The following IQSEC1 variants were observed in gnomAD, a reference collection of about 807,000 sequenced individuals.
IQSEC1 encodes IQ motif and Sec7 domain ArfGEF 1.
Under a neutral mutation model 91.0 loss-of-function variants are expected in IQSEC1, and 31 were observed. The observed-to-expected ratio is 0.34, with a 90% confidence interval of 0.26 to 0.46. The LOEUF (loss-of-function observed/expected upper bound fraction) is 0.46. IQSEC1 is among the 20% of genes least tolerant of loss of function. The pLI is 1.00. For missense variants in IQSEC1, 1,388 were observed against 1,575.6 expected (o/e 0.88, Z 2.02); for synonymous variants, 699 against 662.6 (o/e 1.05, Z -0.84).
chr3:13,077,324 A>G (rs1231154743), upstream of IQSEC1, among the ~76,000 whole-genome samples: 1 of 152,072 alleles, frequency 6.6e-6, no homozygotes, highest in Non-Finnish European at 1.5e-5. Context: ...CAGGGTCACC[A>G]CCTCTGTTAA....
At chr3:13,249,366 G>A (rs1184816004) in intron 1 of IQSEC1, among the ~76,000 whole-genome samples, 1 of 151,822 alleles carries the variant, frequency 6.6e-6, no homozygotes, top group Non-Finnish European at 1.5e-5. Context: ...TAGAGATGGG[G>A]TTTCACCGTG....
chr3:13,244,292 G>C (rs372832008), intron 1 of IQSEC1, among the ~76,000 whole-genome samples: 58 of 152,124 alleles, frequency 3.8e-4, no homozygotes, highest in African/African-American at 1.3e-3. Context: ...TCCCAGATTC[G>C]AGCGATTCTC....
At chr3:13,118,603 G>A (rs901537512) in intron 2 of IQSEC1, among the ~76,000 whole-genome samples, 5 of 152,144 alleles carry the variant, frequency 3.3e-5, no homozygotes, top group Admixed American at 1.3e-4. Context: ...GGTCCCTGGC[G>A]CTGTCAAATT....
chr3:12,961,506 C>T (rs1256732866), intron 1 of IQSEC1, among the ~76,000 whole-genome samples: 1 of 152,218 alleles, frequency 6.6e-6, no homozygotes, highest in East Asian at 1.9e-4. Context: ...TGGGCTTAGT[C>T]ACTTCTTACT....
chr3:13,178,036 A>G (rs1429391026), intron 1 of IQSEC1, among the ~76,000 whole-genome samples: 1 of 152,232 alleles, frequency 6.6e-6, no homozygotes, highest in African/African-American at 2.4e-5. Context: ...TGCTGCCAAA[A>G]CACCCTGAAC....
At chr3:13,047,611 G>T in intron 1 of IQSEC1, 1 of 648,286 alleles carries the variant, frequency 1.5e-6, no homozygotes, top group Non-Finnish European at 1.9e-6. Context: ...GCCCCAGCAG[G>T]TGGTCCCAGG....
intron 1 of IQSEC1, among the ~76,000 whole-genome samples, chr3:13,180,388 G>C (rs1693818011): frequency 1.3e-5 from 2 of 151,638 alleles, no homozygotes; most frequent in African/African-American, 4.9e-5. Flanking sequence ...TCTGTATCTA[G>C]CTAATCTAGT....
intron 1 of IQSEC1, among the ~76,000 whole-genome samples, chr3:13,190,148 T>C (rs570471843): frequency 6.6e-6 from 1 of 152,218 alleles, no homozygotes; most frequent in Non-Finnish European, 1.5e-5. Flanking sequence ...CTGAACAGCC[T>C]GTCTGGGTCC....
rs111813542 is a variant in IQSEC1, at chr3:13,100,992, G to A, written c.303-53470C>T. Among the ~76,000 whole-genome samples the A allele has an allele frequency of 3.9e-4, 49 of 126,972 alleles. 7 individuals carry two copies. Among genetic ancestry groups the A allele is most frequent in the African/African-American group, 1.6e-3 (49 of 30,670 alleles). The allele number at this position is 126,972 out of a possible 152,430, so 83.3% of individuals were successfully genotyped here. Reference sequence around the variant, plus strand: ...TGCCATGGGAGGACCTCGAGCAAGAGTGCTCCAGACAGAGAAAACAGCCCA... The same window carrying A: ...TGCCATGGGAGGACCTCGAGCAAGAATGCTCCAGACAGAGAAAACAGCCCA... On this transcript the variant is annotated intron_variant, in intron 2 of 15. Transcript: ENST00000648114.
At chr3:13,200,000 C>T (rs541240553) in intron 1 of IQSEC1, among the ~76,000 whole-genome samples, 2 of 150,960 alleles carry the variant, frequency 1.3e-5, no homozygotes, top group South Asian at 2.1e-4. Flanking sequence ...CACATGCACA[C>T]ACCACACACA....
intron 1 of IQSEC1, chr3:13,015,733 G>A: frequency 1.5e-5 from 15 of 985,426 alleles, no homozygotes; most frequent in Non-Finnish European, 1.8e-5. Context: ...CACACCCAGG[G>A]GAGAGGGTGC....
At chr3:13,203,672 C>T (rs560526573) in intron 1 of IQSEC1, among the ~76,000 whole-genome samples, 4 of 152,288 alleles carry the variant, frequency 2.6e-5, no homozygotes, top group Middle Eastern at 3.4e-3. Context: ...ACAGAGAGGA[C>T]GTGGTGGGTC....
rs561521594 is a variant in IQSEC1 at position 12,897,895 on chromosome 3, C to T, written c.*3088G>A. On this transcript the variant is annotated 3_prime_UTR_variant, in exon 14 of 14. Coordinates refer to ENST00000613206, the MANE Select transcript of IQSEC1 (RefSeq NM_001134382.3). Reference sequence around the variant, plus strand: ...GATGTGCACAGCATATTAGGATGAACTTTATTTTTACATTGTTGTACAATT... The same window carrying T: ...GATGTGCACAGCATATTAGGATGAATTTTATTTTTACATTGTTGTACAATT... 3 of 152,324 alleles carry T rather than the reference C, an allele frequency of 2.0e-5. No individual in the cohort carries two copies. In the East Asian group the frequency reaches 5.8e-4, roughly 29 times the overall value. The allele number at this position is 152,324 out of a possible 1,614,324, so 9.4% of individuals were successfully genotyped here. A position where few individuals can be genotyped will look rare whatever the true frequency, so the allele number is the denominator to read the frequency against.
chr3:13,000,948 CTT>C (rs10553726), intron 1 of IQSEC1, among the ~76,000 whole-genome samples: 2,877 of 121,814 alleles, frequency 0.024, 33 homozygotes, highest in Non-Finnish European at 0.03. Context: ...CCAAGTGAGT[CTT>C]TTTTTTTTTT....
rs551325813 is a variant in IQSEC1 at position 12,924,050 on chromosome 3, C to T, written c.1730+531G>A. 3.9e-5 allele frequency among the ~76,000 whole-genome samples: 6 copies of T among 152,322 alleles called. 1 individual carries two copies. The South Asian group carries it at 6.2e-4, about 16-fold the overall frequency. ...CCCAGCCGGGAGAATGAGGCAGGGG[C>T]AGAGCGTGGCACGGGCCGCCCACGG... On this transcript the variant is annotated intron_variant, in intron 4 of 13. Coordinates refer to ENST00000613206, the MANE Select transcript of IQSEC1 (RefSeq NM_001134382.3). This position sits in a 1 kb window ranked among gnomAD's most constrained non-coding sequence, Gnocchi z 6.3.
intron 1 of IQSEC1, among the ~76,000 whole-genome samples, chr3:12,949,559 G>A (rs1207216610): frequency 2.0e-5 from 3 of 152,272 alleles, no homozygotes; most frequent in African/African-American, 7.2e-5. Flanking sequence ...TTTCCAGAAA[G>A]GGAGCCTAGA....
At chr3:12,958,538 G>A (rs934054205) in intron 1 of IQSEC1, among the ~76,000 whole-genome samples, 1 of 152,232 alleles carries the variant, frequency 6.6e-6, no homozygotes, top group Non-Finnish European at 1.5e-5. Context: ...AGTAGCTGCT[G>A]CCACTGTCAC....
At chr3:13,247,675 T>C (rs1695130882) in intron 1 of IQSEC1, among the ~76,000 whole-genome samples, 2 of 152,178 alleles carry the variant, frequency 1.3e-5, no homozygotes, top group African/African-American at 2.4e-5. Flanking sequence ...TCAGCCGCCT[T>C]CTCACTTCCA....
In IQSEC1 at chr3:12,924,664, C is replaced by T; in HGVS notation, c.1647G>A (p.Leu549=). ...GCCGGCTGAGGCCCTTGCGCTGCAGCAGGAAGTGGGCCACCCCGACGGGCG... is the reference window on the plus strand; with the variant it reads ...GCCGGCTGAGGCCCTTGCGCTGCAGTAGGAAGTGGGCCACCCCGACGGGCG... ...PDTPVGVAHF[L]LQRKGLSRQM... is the part of the protein sequence containing the mutation. Residue 549 remains leucine (L), a synonymous_variant, in exon 4 of 14, where the codon CTG becomes CTA. Transcript: ENST00000613206. This position sits in a 1 kb window ranked among gnomAD's most constrained non-coding sequence, Gnocchi z 6.3. 6.2e-7 allele frequency: 1 copy of T among 1,610,852 alleles called. No individual in the cohort carries two copies. Among genetic ancestry groups the T allele is most frequent in the East Asian group, 2.2e-5 (1 of 44,644 alleles).
Sources: allele counts gnomAD v4.1 joint callset (sites outside exome capture counted in the v4.1 genomes callset), GRCh38; gene constraint gnomAD v4.1.1; non-coding constraint Gnocchi (gnomAD v3.1); transcripts MANE v1.5; gene names NCBI Gene and HGNC (gene_info 2026-07-23, HGNC 2026-07-21).